ITSN1: variants seen among roughly 807,000 people sequenced by gnomAD.
ITSN1 encodes intersectin-1.
Under a neutral mutation model 239.8 loss-of-function variants are expected in ITSN1, and 58 were observed. That is an observed-to-expected ratio of 0.24 (90% CI 0.20 to 0.30). ITSN1 has a LOEUF of 0.30. Among genes scored for constraint, ITSN1 ranks in the 10% least tolerant of loss-of-function variants. ITSN1 has a pLI of 1.00. For synonymous variants in ITSN1, 780 were observed against 770.8 expected (o/e 1.01, Z -0.20); for missense variants, 1,558 against 2,103.3 (o/e 0.74, Z 5.07).
intron 4 of ITSN1, among the ~76,000 whole-genome samples, chr21:33,726,956 ATTATG>A (rs1170362612): frequency 6.6e-6 from 1 of 152,196 alleles, no homozygotes; most frequent in South Asian, 2.1e-4. Flanking sequence ...AGAAACCTTT[ATTATG>A]TTTTATTTCC....
At chr21:33,837,756 G>C in intron 29 of ITSN1, 1 of 985,870 alleles carries the variant, frequency 1.0e-6, no homozygotes, top group Non-Finnish European at 1.2e-6. Flanking sequence ...CAGTGACCTT[G>C]TAGCCACATG....
At chr21:33,659,998 T>G (rs2089430176) in intron 1 of ITSN1, among the ~76,000 whole-genome samples, 1 of 152,134 alleles carries the variant, frequency 6.6e-6, no homozygotes, top group East Asian at 1.9e-4. Context: ...TGTGAGCCAC[T>G]GCACCCAGCC....
At chr21:33,677,631 C>A (rs2146467204) in intron 1 of ITSN1, among the ~76,000 whole-genome samples, 1 of 152,266 alleles carries the variant, frequency 6.6e-6, no homozygotes, top group South Asian at 2.1e-4. Flanking sequence ...TGAGCCACCG[C>A]ACCCAGCCCA....
intron 29 of ITSN1, chr21:33,836,860 C>G: frequency 1.3e-6 from 1 of 759,540 alleles, no homozygotes; most frequent in Non-Finnish European, 2.2e-6. Context: ...CCTCCCCTCC[C>G]TCCTTTTTCC....
At chr21:33,813,679 G>A (rs556948992) in intron 21 of ITSN1, among the ~76,000 whole-genome samples, 1 of 152,216 alleles carries the variant, frequency 6.6e-6, no homozygotes, top group East Asian at 1.9e-4. Context: ...ACTGTAGAAA[G>A]CCACATTAAG....
intron 1 of ITSN1, among the ~76,000 whole-genome samples, chr21:33,718,575 T>A (rs1490747935): frequency 6.6e-6 from 1 of 152,196 alleles, no homozygotes; most frequent in Non-Finnish European, 1.5e-5. Context: ...TCCACGGATT[T>A]TTTTTTAATC....
At chr21:33,751,956 A>T in intron 7 of ITSN1, 50 bp downstream of exon 7, 1 of 1,142,584 alleles carries the variant, frequency 8.8e-7, no homozygotes, top group Non-Finnish European at 1.3e-6. Context: ...CCATTACCTG[A>T]TTAAATCATA....
At chr21:33,743,929 C>G (rs994751622) in intron 5 of ITSN1, among the ~76,000 whole-genome samples, 1 of 152,184 alleles carries the variant, frequency 6.6e-6, no homozygotes, top group African/African-American at 2.4e-5. Flanking sequence ...CAAAACGTTA[C>G]CAATTTATAA....
Position 33,893,589 on chromosome 21 carries a change from C to G in ITSN1, c.*5289C>G, listed in dbSNP as rs1986509598. ...TGGGTAACAGAGCGAGAGTCCTTCTCAAAACAAACAAAAAAAGAGCTAATG... is the reference window on the plus strand; with the variant it reads ...TGGGTAACAGAGCGAGAGTCCTTCTGAAAACAAACAAAAAAAGAGCTAATG... On this transcript the variant is annotated 3_prime_UTR_variant, in exon 40 of 40. Transcript: ENST00000381318. 1 of 152,116 alleles carries G rather than the reference C, an allele frequency of 6.6e-6. No homozygotes were observed. Among genetic ancestry groups the G allele is most frequent in the African/African-American group, 2.4e-5 (1 of 41,394 alleles). 9.4% of individuals were successfully genotyped at this position (152,116 alleles called of 1,614,324 possible).
chr21:33,655,745 T>A (rs892125534), intron 1 of ITSN1, among the ~76,000 whole-genome samples: 2 of 152,056 alleles, frequency 1.3e-5, no homozygotes, highest in African/African-American at 4.8e-5. Flanking sequence ...GAAACAAGAC[T>A]CTAAAGTGTA....
At chr21:33,703,085 G>C (rs1410623611) in intron 1 of ITSN1, among the ~76,000 whole-genome samples, 3 of 134,430 alleles carry the variant, frequency 2.2e-5, no homozygotes, top group South Asian at 2.3e-4. Flanking sequence ...GACTCTGTCT[G>C]TGTGTGTGTG....
At chr21:33,881,513 A>C (rs1984913666) in intron 34 of ITSN1, among the ~76,000 whole-genome samples, 1 of 152,028 alleles carries the variant, frequency 6.6e-6, no homozygotes, top group Admixed American at 6.5e-5. Flanking sequence ...TGTCCATGGA[A>C]TTGGAGAGAG....
At chr21:33,843,373 C>T (rs1183479505) in intron 29 of ITSN1, among the ~76,000 whole-genome samples, 1 of 152,102 alleles carries the variant, frequency 6.6e-6, no homozygotes, top group Non-Finnish European at 1.5e-5. Flanking sequence ...GTAAGGATTC[C>T]AACACATTTT....
chr21:33,711,655 TGTG>T (rs2092421190), intron 1 of ITSN1, among the ~76,000 whole-genome samples: 3 of 28,758 alleles, frequency 1.0e-4, no homozygotes, highest in African/African-American at 7.4e-4. Flanking sequence ...CTGTGTGTTG[TGTG>T]TGTGTGTGTG....
At chr21:33,752,413 G>A (rs1215938021) in intron 7 of ITSN1, among the ~76,000 whole-genome samples, 1 of 152,112 alleles carries the variant, frequency 6.6e-6, no homozygotes, top group East Asian at 1.9e-4. Flanking sequence ...CCAGATAGTG[G>A]ACAATTCACA....
chr21:33,727,794 C>G (rs1030136008), intron 4 of ITSN1, among the ~76,000 whole-genome samples: 2 of 151,848 alleles, frequency 1.3e-5, no homozygotes, highest in African/African-American at 2.4e-5. Context: ...CCCTGCATAC[C>G]CAGTCCATCA....
chr21:33,786,596 A>C (rs2070698669), intron 16 of ITSN1, among the ~76,000 whole-genome samples: 1 of 152,226 alleles, frequency 6.6e-6, no homozygotes, highest in African/African-American at 2.4e-5. Flanking sequence ...CTGACAGCCT[A>C]ATGTTCCATA....
chr21:33,753,761 T>TAA (rs760085854), intron 7 of ITSN1, among the ~76,000 whole-genome samples: 979 of 81,742 alleles, frequency 0.012, 62 homozygotes, highest in African/African-American at 0.042. Context: ...GTCTCTTTCT[T>TAA]AAAAAAAAAA....
intron 14 of ITSN1, among the ~76,000 whole-genome samples, chr21:33,776,398 A>C (rs1397465973): frequency 1.3e-5 from 2 of 151,650 alleles, no homozygotes; most frequent in Non-Finnish European, 2.9e-5. Flanking sequence ...AAAAAAAAAA[A>C]AAAAAACTTA....
Sources: gnomAD v4.1 joint callset for allele counts (sites outside exome capture counted in the v4.1 genomes callset) on GRCh38, gnomAD v4.1.1 for gene constraint, MANE v1.5 for transcripts, NCBI Gene and HGNC (gene_info 2026-07-23, HGNC 2026-07-21) for gene names.